PAIP1: variants seen among roughly 807,000 people sequenced by gnomAD.
The protein encoded by PAIP1 is poly(A) binding protein interacting protein 1, also known as polyadenylate-binding protein-interacting protein 1.
In PAIP1, 16 loss-of-function variants were observed where a neutral mutation model predicts 61.3. The observed-to-expected ratio is 0.26, with a 90% CI of 0.18 to 0.40. PAIP1 has a LOEUF of 0.40. Ranked by LOEUF, PAIP1 falls within the 10% of genes least tolerant of loss-of-function variation. PAIP1 has a pLI of 1.00. For synonymous variants in PAIP1, 187 were observed against 226.2 expected (o/e 0.83, Z 1.56); for missense variants, 416 against 600.9 (o/e 0.69, Z 3.22).
At chr5:43,549,275 C>G (rs1747766379) in intron 2 of PAIP1, among the ~76,000 whole-genome samples, 1 of 152,150 alleles carries the variant, frequency 6.6e-6, no homozygotes, top group Non-Finnish European at 1.5e-5. Flanking sequence ...TGCCAATTGT[C>G]CACTTGTCCC....
At chr5:43,537,509 A>C (rs1332324438) in intron 5 of PAIP1, among the ~76,000 whole-genome samples, 1 of 152,182 alleles carries the variant, frequency 6.6e-6, no homozygotes, top group Admixed American at 6.5e-5. Flanking sequence ...AACTAAGTCT[A>C]CCTGTGGTAA....
rs140990754 is a variant in PAIP1, at chr5:43,543,047, T to C, written c.691A>G (p.Ile231Val). 1.3e-4 allele frequency: 203 copies of C among 1,609,640 alleles called. 1 individual carries two copies. In the African/African-American group the frequency reaches 2.3e-3, roughly 18 times the overall value. The stretch of plus-strand genomic sequence containing the variant: ...CGGAAGTTGCCACTCTGTGGGCTAA[T>C]TGTCAGATGATGGGACAGGTAATTA... The part of the protein sequence containing the change: ...LCNYLSHHLT[I>V]SPQSGNFRQL... The change falls in exon 4 of 11, where the codon ATT becomes GTT. Residue 231 changes from isoleucine to valine, a missense_variant. Coordinates refer to ENST00000306846, the MANE Select transcript of PAIP1 (RefSeq NM_006451.5).
chr5:43,552,580 A>C (rs1055232038), intron 2 of PAIP1, among the ~76,000 whole-genome samples: 2 of 152,204 alleles, frequency 1.3e-5, no homozygotes, highest in African/African-American at 4.8e-5. Context: ...CTGCCACAGA[A>C]GCCAAAGAGG....
chr5:43,550,837 C>CAAAAAAA (rs373730839), intron 2 of PAIP1, among the ~76,000 whole-genome samples: 332 of 49,448 alleles, frequency 6.7e-3, no homozygotes, highest in East Asian at 0.012. Flanking sequence ...AAATATACTA[C>CAAAAAAA]AAAAAAAAAA....
intron 5 of PAIP1, among the ~76,000 whole-genome samples, chr5:43,537,309 T>C (rs1477135959): frequency 6.6e-6 from 1 of 152,220 alleles, no homozygotes; most frequent in African/African-American, 2.4e-5. Context: ...GAGTGGTATA[T>C]GTATCTTATA....
intron 10 of PAIP1, among the ~76,000 whole-genome samples, chr5:43,528,230 T>C (rs761150829): frequency 5.3e-5 from 8 of 152,172 alleles, no homozygotes; most frequent in Non-Finnish European, 1.0e-4. Context: ...AAATGAACAA[T>C]GTAAAATTTT....
chr5:43,549,844 C>A (rs756062845), intron 2 of PAIP1, among the ~76,000 whole-genome samples: 60 of 152,216 alleles, frequency 3.9e-4, no homozygotes, highest in Admixed American at 9.2e-4. Context: ...CTCAGCCTCC[C>A]AGAGTAGCTG....
chr5:43,527,536 GA>G, intron 10 of PAIP1, 67 bp from the exon 11 acceptor site: 2 of 1,392,074 alleles, frequency 1.4e-6, no homozygotes, highest in Non-Finnish European at 2.0e-6. Flanking sequence ...GCTAAATCAT[GA>G]AAAAAATAAT....
intron 10 of PAIP1, among the ~76,000 whole-genome samples, chr5:43,528,746 A>C (rs1436577740): frequency 6.6e-6 from 1 of 152,208 alleles, no homozygotes; most frequent in Non-Finnish European, 1.5e-5. Context: ...GATATTAAAA[A>C]AAAAATAAGT....
chr5:43,530,854 G>A (rs1207031569), intron 9 of PAIP1, among the ~76,000 whole-genome samples: 1 of 152,034 alleles, frequency 6.6e-6, no homozygotes, highest in African/African-American at 2.4e-5. Context: ...TGTTGGTCTC[G>A]GTAACTAAGG....
chr5:43,550,272 A>G (rs1311278084), intron 2 of PAIP1, among the ~76,000 whole-genome samples: 3 of 152,190 alleles, frequency 2.0e-5, no homozygotes, highest in African/African-American at 4.8e-5. Context: ...CATAAATATT[A>G]TCACTGTGAC....
chr5:43,541,604 T>A (rs1041021853), intron 4 of PAIP1, among the ~76,000 whole-genome samples: 1 of 150,390 alleles, frequency 6.6e-6, no homozygotes, highest in East Asian at 1.9e-4. Context: ...CAAGGGTCTC[T>A]GGGGTCTACT....
At chr5:43,544,106 G>A (rs1747534077) in intron 3 of PAIP1, among the ~76,000 whole-genome samples, 1 of 135,956 alleles carries the variant, frequency 7.4e-6, no homozygotes, top group South Asian at 2.4e-4. Flanking sequence ...TCACGCCACT[G>A]CACTCTAGTC....
chr5:43,552,049 T>C (rs1747885413), intron 2 of PAIP1, among the ~76,000 whole-genome samples: 2 of 152,200 alleles, frequency 1.3e-5, no homozygotes, highest in African/African-American at 2.4e-5. Flanking sequence ...TTTCTTAGAA[T>C]TCTATGGGAG....
chr5:43,539,263 G>A (rs1747292234), intron 4 of PAIP1, among the ~76,000 whole-genome samples: 1 of 37,032 alleles, frequency 2.7e-5, no homozygotes, highest in South Asian at 1.4e-3. Context: ...TATTTTCAAC[G>A]ATTTTTATCA....
chr5:43,557,232 G>A (rs936088323), upstream of PAIP1: 1 of 166,048 alleles, frequency 6.0e-6, no homozygotes, highest in African/African-American at 2.4e-5. Flanking sequence ...CGCCCGCCGA[G>A]TGGCGTCTTG....
At position 43,543,130 on chromosome 5, in the gene PAIP1, GAA is replaced by G. The variant is rs1747482907; in HGVS notation, c.622-16_622-15del. On this transcript the variant is annotated splice_polypyrimidine_tract_variant and intron_variant, in intron 3 of 10. Coordinates refer to ENST00000306846, the MANE Select transcript of PAIP1 (RefSeq NM_006451.5). ...GATAGATGTGGCCTTTTAAAAAGAA[GAA>G]AAGTGTTATATGACATAGGTACATC... The G allele has an allele frequency of 1.5e-6, 2 of 1,345,224 alleles. No individual in the cohort carries two copies. The highest frequency in any genetic ancestry group is 2.1e-6 in the Non-Finnish European group (2 of 937,738). 83.3% of individuals were successfully genotyped at this position (1,345,224 alleles called of 1,614,324 possible). A position where few individuals can be genotyped will look rare whatever the true frequency, so the allele number is the denominator to read the frequency against.
chr5:43,527,654 T>G (rs1233580091), intron 10 of PAIP1, among the ~76,000 whole-genome samples, 185 bp from the exon 11 acceptor site: 1 of 152,136 alleles, frequency 6.6e-6, no homozygotes, highest in East Asian at 1.9e-4. Flanking sequence ...GTAAGTAAAA[T>G]TTTACAGATT....
At chr5:43,544,146 T>TTAAAAA (rs1385340411) in intron 3 of PAIP1, among the ~76,000 whole-genome samples, 1 of 72,686 alleles carries the variant, frequency 1.4e-5, no homozygotes, top group Non-Finnish European at 2.6e-5. Flanking sequence ...CCCATCTTTT[T>TTAAAAA]AAAAAAAAAA....
Sources: allele counts gnomAD v4.1 joint callset (sites outside exome capture counted in the v4.1 genomes callset), GRCh38; gene constraint gnomAD v4.1.1; transcripts MANE v1.5; gene names NCBI Gene and HGNC (gene_info 2026-07-23, HGNC 2026-07-21).